The following EXO1 variants were observed in gnomAD, a reference collection of about 807,000 sequenced individuals.
EXO1 encodes the protein exonuclease 1.
EXO1 carries 69 observed loss-of-function variants against 84.5 expected under a neutral mutation model. That is an observed-to-expected ratio of 0.82 (90% CI 0.67 to 1.00). The LOEUF is 1.00. EXO1 is among the 50% of genes least tolerant of loss of function. EXO1 has a pLI of 0.00. For synonymous variants in EXO1, 373 were observed against 366.1 expected, an observed-to-expected ratio of 1.02 and a Z score of -0.21; for missense variants, 1,045 against 1,000.7, an observed-to-expected ratio of 1.04 and a Z score of -0.60.
In EXO1 at chr1:241,877,981, C is replaced by T. The variant is rs1662494963; in HGVS notation, c.1515-768C>T. Among the ~76,000 whole-genome samples, 3 of 152,020 alleles carry T rather than the reference C, an allele frequency of 2.0e-5. No individual in the cohort carries two copies. In the South Asian group the frequency reaches 6.2e-4, roughly 32 times the overall value. ...ATATGAGAGAATAGTTGTCAATTGT[C>T]CTTTTGGTTGCATATTTCTATATCT... On this transcript the variant is annotated intron_variant, in intron 12 of 15. Coordinates refer to ENST00000366548, the MANE Select transcript of EXO1 (RefSeq NM_130398.4).
chr1:241,889,215 A>G (rs745814281), intron 15 of EXO1, among the ~76,000 whole-genome samples: 26 of 152,242 alleles, frequency 1.7e-4, no homozygotes, highest in Non-Finnish European at 3.7e-4. Flanking sequence ...TAGCTAATAT[A>G]TCTAGTGGTG....
At chr1:241,858,408 G>C (rs186670142) in intron 7 of EXO1, 98 bp from the exon 8 acceptor site, 1 of 762,324 alleles carries the variant, frequency 1.3e-6, no homozygotes, top group Non-Finnish European at 2.3e-6. Flanking sequence ...TCAGTGTTAT[G>C]GTGAAGAACA....
rs1661330128 is a variant in EXO1 at position 241,860,646 on chromosome 1, A to C, written c.886A>C (p.Ile296Leu). 1.2e-6 allele frequency: 2 copies of C among 1,614,066 alleles called. No homozygotes were observed. Among genetic ancestry groups the C allele is most frequent in the Non-Finnish European group, 1.7e-6 (2 of 1,179,926 alleles). Residue 296 changes from isoleucine to leucine, a missense_variant, in exon 9 of 16, where the codon ATT becomes CTT. Coordinates refer to ENST00000366548, the MANE Select transcript of EXO1 (RefSeq NM_130398.4). ...LVFDPIKRKL[I>L]PLNAYEDDVD... is the part of the protein sequence containing the mutation. ...TTTTGATCCCATCAAAAGGAAACTT[A>C]TTCCTCTGAACGCCTATGAAGATGA...
chr1:241,878,176 A>G (rs1574176033), intron 12 of EXO1, among the ~76,000 whole-genome samples: 1 of 152,144 alleles, frequency 6.6e-6, no homozygotes, highest in East Asian at 1.9e-4. Context: ...AGTTCCAAAT[A>G]CATGTGTATA....
Position 241,857,386 on chromosome 1 carries a change from T to A in EXO1, c.447T>A (p.Tyr149Ter), listed in dbSNP as rs1342214336. ...SQGVDCLVAPYEADAQLAYLN... is the reference protein window; with the variant it reads ...SQGVDCLVAP The stretch of plus-strand genomic sequence containing the variant: ...GGGTAGATTGCCTCGTGGCTCCCTA[T>A]GAAGCTGATGCGCAGTTGGCCTATC... Residue 149 changes from tyrosine to a stop codon, truncating the protein, a stop_gained, in exon 7 of 16, where the codon TAT becomes TAA. Transcript: ENST00000366548. LOFTEE classifies it high-confidence loss of function. The A allele has an allele frequency of 3.1e-6, 5 of 1,613,992 alleles. No homozygotes were observed. The highest frequency in any genetic ancestry group is 4.2e-6 in the Non-Finnish European group (5 of 1,179,944).
At chr1:241,857,784 G>T (rs538781345) in intron 7 of EXO1, among the ~76,000 whole-genome samples, 201 of 152,122 alleles carry the variant, frequency 1.3e-3, no homozygotes, top group African/African-American at 4.7e-3. Flanking sequence ...ATTGTTTTAT[G>T]CAGATTCTTT....
At chr1:241,855,097 G>A (rs932827393) in intron 6 of EXO1, among the ~76,000 whole-genome samples, 1 of 152,180 alleles carries the variant, frequency 6.6e-6, no homozygotes, top group Non-Finnish European at 1.5e-5. Flanking sequence ...AAAGAACAAA[G>A]CTTCCATGGT....
At chr1:241,865,869 A>G (rs867295003) in intron 10 of EXO1, among the ~76,000 whole-genome samples, 23 of 152,154 alleles carry the variant, frequency 1.5e-4, no homozygotes, top group African/African-American at 5.5e-4. Context: ...TACCTTCCTT[A>G]TTAATTCTCA....
chr1:241,861,577 T>A, intron 10 of EXO1, 75 bp downstream of exon 10: 1 of 815,866 alleles, frequency 1.2e-6, no homozygotes. Context: ...CAAATCTTCA[T>A]ACACTAAGCT....
At chr1:241,849,562 C>T (rs1660535566) in intron 3 of EXO1, among the ~76,000 whole-genome samples, 1 of 152,230 alleles carries the variant, frequency 6.6e-6, no homozygotes, top group East Asian at 1.9e-4. Context: ...TGTTTATTAC[C>T]AGAATGTTCG....
chr1:241,850,279 C>CA (rs375640251), intron 3 of EXO1, 130 bp from the exon 4 acceptor site: 69,901 of 488,496 alleles, frequency 0.14, 771 homozygotes, highest in Admixed American at 0.25. Flanking sequence ...GACTCCGTCT[C>CA]AAAAAAAAAA....
chr1:241,889,401 G>T, intron 15 of EXO1, 64 bp from the exon 16 acceptor site: 1 of 1,447,184 alleles, frequency 6.9e-7, no homozygotes, highest in Non-Finnish European at 9.7e-7. Context: ...TGTCCAGGTA[G>T]AATATTTCTT....
Position 241,882,028 on chromosome 1 carries a change from T to G in EXO1, c.2211+11T>G, listed in dbSNP as rs200644798. On this transcript the variant is annotated intron_variant, in intron 14 of 15. Transcript: ENST00000366548. ...CCTCTAAGGAACAAGGTAAAACATT[T>G]ATTTAATTTTTTTTTTAATTTCAGA... 3 of 1,336,266 alleles carry G rather than the reference T, an allele frequency of 2.2e-6. No homozygotes were observed. The highest frequency in any genetic ancestry group is 1.7e-5 in the Admixed American group (1 of 58,962). The allele number at this position is 1,336,266 out of a possible 1,614,324, so 82.8% of individuals were successfully genotyped here.
intron 14 of EXO1, 34 bp from the exon 15 acceptor site, chr1:241,885,280 C>T (rs771761196): frequency 6.8e-7 from 1 of 1,461,494 alleles, no homozygotes; most frequent in Admixed American, 1.7e-5. Context: ...GTTGCTTTAA[C>T]AGAATGGTCT....
Position 241,872,039 on chromosome 1 carries a change from G to T in EXO1, c.1275G>T (p.Leu425=), listed in dbSNP as rs1240338576. The change falls in exon 12 of 16, where the codon CTG becomes CTT. Residue 425 remains leucine (L), a synonymous_variant. Coordinates refer to ENST00000366548, the MANE Select transcript of EXO1 (RefSeq NM_130398.4). ...AATTTTGTTTTTATTTAGCAGAGCTGTCAGAAGATGACCTGTTGAGTCAGT... is the reference window on the plus strand; with the variant it reads ...AATTTTGTTTTTATTTAGCAGAGCTTTCAGAAGATGACCTGTTGAGTCAGT... ...SIVKRPRSAE[L]SEDDLLSQYS... 2.5e-6 allele frequency: 4 copies of T among 1,612,600 alleles called. No homozygotes were observed. In the East Asian group the frequency reaches 6.7e-5, roughly 27 times the overall value.
At position 241,879,145 on chromosome 1, in the gene EXO1, C is replaced by T. The variant is rs763523848; in HGVS notation, c.1911C>T (p.Ser637=). ...CATTGCAGCAGTTCCGAAGAAAGAG[C>T]GATTCCCCCACCTCTTTGCCTGAGA... ...STALQQFRRK[S]DSPTSLPENN... is the part of the protein sequence containing the mutation. Residue 637 remains serine, a synonymous_variant, in exon 13 of 16, where the codon AGC becomes AGT. Coordinates refer to ENST00000366548, the MANE Select transcript of EXO1 (RefSeq NM_130398.4). 27 of 1,608,966 alleles carry T rather than the reference C, an allele frequency of 1.7e-5. No homozygotes were observed. Among genetic ancestry groups the T allele is most frequent in the African/African-American group, 5.3e-5 (4 of 74,848 alleles).
At position 241,882,949 on chromosome 1, in the gene EXO1, A is replaced by G. The variant is rs542867186; in HGVS notation, c.2211+932A>G. Among the ~76,000 whole-genome samples, 7 of 152,336 alleles carry G rather than the reference A, an allele frequency of 4.6e-5. No homozygotes were observed. The East Asian group carries it at 1.3e-3, about 29-fold the overall frequency. ...TAAGTGCATTCTAGAACTTTAGCCTAAGGAAACATTGAGAATTTAAATACA... is the reference window on the plus strand; with the variant it reads ...TAAGTGCATTCTAGAACTTTAGCCTGAGGAAACATTGAGAATTTAAATACA... On this transcript the variant is annotated intron_variant, in intron 14 of 15. Transcript: ENST00000366548.
At position 241,869,907 on chromosome 1, in the gene EXO1, G is replaced by A. The variant is rs4149957; in HGVS notation, c.1268-2125G>A. Among the ~76,000 whole-genome samples, 833 of 151,930 alleles carry A rather than the reference G, an allele frequency of 5.5e-3. 5 individuals are homozygous for A. Among genetic ancestry groups the A allele is most frequent in the African/African-American group, 0.019 (794 of 41,408 alleles). ...TGGCTCACTGCAGCCTCCATCTCCT[G>A]GGTTTGAGGAATTCTCTGCCTCAGC... On this transcript the variant is annotated intron_variant, in intron 11 of 15. Transcript: ENST00000366548.
chr1:241,881,924 T>C lies in EXO1; in HGVS notation c.2118T>C (p.Asp706=), dbSNP rs764635010. 3 of 1,533,594 alleles carry C rather than the reference T, an allele frequency of 2.0e-6. No homozygotes were observed. In the East Asian group the frequency reaches 6.8e-5, roughly 35 times the overall value. 95.0% of individuals were successfully genotyped at this position (1,533,594 alleles called of 1,614,324 possible). Residue 706 remains aspartate, a synonymous_variant, in exon 14 of 16, where the codon GAT becomes GAC. Coordinates refer to ENST00000366548, the MANE Select transcript of EXO1 (RefSeq NM_130398.4). ...SSKDSDSEES[D]CNIKLLDSQS... is the part of the protein sequence containing the mutation. ...TGATCTGGGGACTCTAGGAATCTGA[T>C]TGCAATATTAAGTTACTTGACAGTC... is the stretch of plus-strand genomic sequence containing the variant.
Sources: gnomAD v4.1 joint callset for allele counts (sites outside exome capture counted in the v4.1 genomes callset) on GRCh38, gnomAD v4.1.1 for gene constraint, MANE v1.5 for transcripts, NCBI Gene and HGNC (gene_info 2026-07-23, HGNC 2026-07-21) for gene names.